The following CACNA1A variants were observed in gnomAD, a reference collection of about 807,000 sequenced individuals.
CACNA1A encodes the protein voltage-dependent P/Q-type calcium channel subunit alpha-1A.
Under a neutral mutation model 262.4 loss-of-function variants are expected in CACNA1A, and 57 were observed. The observed-to-expected ratio is 0.22, with a 90% CI of 0.18 to 0.27. The LOEUF is 0.27. Ranked by LOEUF, CACNA1A falls within the 10% of genes least tolerant of loss-of-function variation. CACNA1A has a pLI of 1.00. For synonymous variants in CACNA1A, 1,431 were observed against 1,419.3 expected, an observed-to-expected ratio of 1.01 and a Z score of -0.18; for missense variants, 2,526 against 3,562.8, an observed-to-expected ratio of 0.71 and a Z score of 7.41.
At chr19:13,232,576 CAA>C (rs1352333760) in intron 34 of CACNA1A, among the ~76,000 whole-genome samples, 1 of 149,582 alleles carries the variant, frequency 6.7e-6, no homozygotes, top group Non-Finnish European at 1.5e-5. Flanking sequence ...CTAAAAATAC[CAA>C]AAATTTGCTC....
At chr19:13,233,251 T>C (rs1239078025) in intron 34 of CACNA1A, among the ~76,000 whole-genome samples, 2 of 152,088 alleles carry the variant, frequency 1.3e-5, no homozygotes, top group African/African-American at 4.8e-5. Context: ...ACTCCCTCCC[T>C]TGCCAATTTC....
At chr19:13,380,978 AT>A (rs1660128337) in intron 3 of CACNA1A, among the ~76,000 whole-genome samples, 1 of 151,716 alleles carries the variant, frequency 6.6e-6, no homozygotes, top group Admixed American at 6.6e-5. Context: ...GTTTTACCAT[AT>A]TGCCCAGGCT....
intron 34 of CACNA1A, 59 bp from the exon 35 acceptor site, chr19:13,231,919 T>TC: frequency 3.2e-6 from 5 of 1,552,646 alleles, no homozygotes; most frequent in Non-Finnish European, 2.6e-6. Flanking sequence ...TACCAACGCC[T>TC]CCCCAGGAGG....
chr19:13,494,160 A>G (rs1420384801), intron 1 of CACNA1A, among the ~76,000 whole-genome samples: 3 of 152,264 alleles, frequency 2.0e-5, no homozygotes, highest in Non-Finnish European at 4.4e-5. Context: ...TATTTTTTCA[A>G]GGATACCTAG....
intron 3 of CACNA1A, among the ~76,000 whole-genome samples, chr19:13,408,446 G>A (rs2060051549): frequency 6.6e-6 from 1 of 152,180 alleles, no homozygotes; most frequent in Non-Finnish European, 1.5e-5. Flanking sequence ...CAGGGTATAA[G>A]GAACCTGGGT....
intron 3 of CACNA1A, among the ~76,000 whole-genome samples, chr19:13,387,563 T>C (rs1247519991): frequency 1.3e-5 from 2 of 152,192 alleles, no homozygotes; most frequent in African/African-American, 4.8e-5. Context: ...CACTGGGACC[T>C]CAGCCAAACT....
intron 3 of CACNA1A, among the ~76,000 whole-genome samples, chr19:13,432,892 C>G (rs1400401357): frequency 6.6e-6 from 1 of 151,996 alleles, no homozygotes; most frequent in African/African-American, 2.4e-5. Flanking sequence ...GGTGCAGTGG[C>G]TCATGTCTGT....
intron 3 of CACNA1A, among the ~76,000 whole-genome samples, chr19:13,443,101 G>A (rs2060752671): frequency 6.6e-6 from 1 of 152,080 alleles, no homozygotes; most frequent in South Asian, 2.1e-4. Flanking sequence ...CACCCAGCCT[G>A]GAGTGCAATA....
At position 13,286,963 on chromosome 19, in the gene CACNA1A, C is replaced by G. The variant is rs751528565; in HGVS notation, c.3093G>C (p.Glu1031Asp). The G allele has an allele frequency of 3.1e-6, 5 of 1,589,690 alleles. No homozygotes were observed. Among genetic ancestry groups the G allele is most frequent in the Middle Eastern group, 1.7e-4 (1 of 5,916 alleles). ...ACACAGGGACCCCGGAGCCCTGGTTCTCTCTGAGGAAGGCAAGTGAATGAA... is the reference window on the plus strand; with the variant it reads ...ACACAGGGACCCCGGAGCCCTGGTTGTCTCTGAGGAAGGCAAGTGAATGAA... Reference protein sequence around the residue: ...DKERRHRRRKENQGSGVPVSG... With the variant: ...DKERRHRRRKDNQGSGVPVSG... Residue 1031 changes from glutamate to aspartate, a missense_variant, in exon 20 of 47, where the codon GAG (glutamate) becomes GAC (aspartate). By Grantham distance (45) the Glu-to-Asp change is conservative. Coordinates refer to ENST00000360228, the MANE Select transcript of CACNA1A (RefSeq NM_001127222.2).
At chr19:13,425,966 G>A (rs2060395479) in intron 3 of CACNA1A, among the ~76,000 whole-genome samples, 1 of 152,190 alleles carries the variant, frequency 6.6e-6, no homozygotes, top group Admixed American at 6.5e-5. Flanking sequence ...GCTGAGGCAG[G>A]AGAATCATTT....
chr19:13,428,818 G>T (rs2060449550), intron 3 of CACNA1A, among the ~76,000 whole-genome samples: 1 of 152,048 alleles, frequency 6.6e-6, no homozygotes. Flanking sequence ...CCTCATGTTT[G>T]TATTTCTTTG....
chr19:13,402,761 T>C (rs954736894), intron 3 of CACNA1A, among the ~76,000 whole-genome samples: 17 of 130,184 alleles, frequency 1.3e-4, no homozygotes, highest in Middle Eastern at 3.8e-3. Flanking sequence ...TATACACACA[T>C]ATATATACAT....
chr19:13,467,025 T>A (rs1485890276), intron 1 of CACNA1A, among the ~76,000 whole-genome samples: 1 of 152,050 alleles, frequency 6.6e-6, no homozygotes, highest in Non-Finnish European at 1.5e-5. Context: ...CGTGAGCCAC[T>A]GCATCCAGCT....
At chr19:13,481,110 A>C (rs1448811547) in intron 1 of CACNA1A, among the ~76,000 whole-genome samples, 1 of 152,100 alleles carries the variant, frequency 6.6e-6, no homozygotes, top group Non-Finnish European at 1.5e-5. Context: ...TGAAAGGATG[A>C]GCTAAATTGA....
At chr19:13,314,933 C>G (rs1425761685) in intron 11 of CACNA1A, among the ~76,000 whole-genome samples, 1 of 152,126 alleles carries the variant, frequency 6.6e-6, no homozygotes, top group East Asian at 1.9e-4. Context: ...CCTAGACCCA[C>G]CAGAAGTAAC....
intron 11 of CACNA1A, 93 bp downstream of exon 11, chr19:13,317,019 G>A (rs2058141183): frequency 1.3e-6 from 1 of 783,028 alleles, no homozygotes; most frequent in South Asian, 1.8e-5. Flanking sequence ...GAGGACCAAA[G>A]AAGATACACA....
intron 3 of CACNA1A, among the ~76,000 whole-genome samples, chr19:13,376,632 A>C (rs1158628755): frequency 1.4e-5 from 2 of 141,816 alleles, no homozygotes; most frequent in Non-Finnish European, 3.0e-5. Context: ...CACACTACAC[A>C]TATGTTATAT....
chr19:13,262,709 G>C, intron 25 of CACNA1A, 25 bp downstream of exon 25: 5 of 1,386,098 alleles, frequency 3.6e-6, no homozygotes, highest in Non-Finnish European at 5.1e-6. Flanking sequence ...CCCCCCCACC[G>C]CACCCCACCA....
intron 1 of CACNA1A, among the ~76,000 whole-genome samples, chr19:13,466,213 T>TC (rs1305858786): frequency 1.3e-5 from 2 of 152,052 alleles, no homozygotes; most frequent in South Asian, 2.1e-4. Flanking sequence ...TTTTGCTTTT[T>TC]TTTTTTTCTT....
Sources: gnomAD v4.1 joint callset for allele counts (sites outside exome capture counted in the v4.1 genomes callset) on GRCh38, gnomAD v4.1.1 for gene constraint, MANE v1.5 for transcripts, NCBI Gene and HGNC (gene_info 2026-07-23, HGNC 2026-07-21) for gene names.